The following SIPA1L3 variants were observed in gnomAD, a reference collection of about 807,000 sequenced individuals.
SIPA1L3 encodes the protein signal induced proliferation associated 1 like 3, also known as signal-induced proliferation-associated 1-like protein 3.
A neutral mutation model predicts 150.1 loss-of-function variants in SIPA1L3; 59 were observed. That is an observed-to-expected ratio of 0.39 (90% CI 0.32 to 0.49). SIPA1L3 has a LOEUF of 0.49. SIPA1L3 is among the 20% of genes least tolerant of loss of function. The pLI is 0.86. For missense variants in SIPA1L3, 2,211 were observed against 2,489.5 expected, an observed-to-expected ratio of 0.89 and a Z score of 2.38; for synonymous variants, 1,070 against 1,077.6, an observed-to-expected ratio of 0.99 and a Z score of 0.14.
intron 1 of SIPA1L3, among the ~76,000 whole-genome samples, chr19:37,958,979 C>A (rs960249710): frequency 6.6e-6 from 1 of 152,212 alleles, no homozygotes; most frequent in Non-Finnish European, 1.5e-5. Context: ...CCACAAGATT[C>A]TATTTCACAC....
At chr19:37,956,861 A>G (rs1009161564) in intron 1 of SIPA1L3, among the ~76,000 whole-genome samples, 26 of 152,254 alleles carry the variant, frequency 1.7e-4, no homozygotes, top group Middle Eastern at 3.4e-3. Flanking sequence ...TATTATATTT[A>G]AGAACTCTTT....
chr19:37,917,099 A>C (rs2046420354), intron 1 of SIPA1L3, among the ~76,000 whole-genome samples: 1 of 152,250 alleles, frequency 6.6e-6, no homozygotes, highest in South Asian at 2.1e-4. Flanking sequence ...TCATTTCAAC[A>C]TGTAATCAAT....
intron 3 of SIPA1L3, among the ~76,000 whole-genome samples, chr19:38,086,750 C>A (rs889380849): frequency 6.6e-6 from 1 of 152,168 alleles, no homozygotes; most frequent in African/African-American, 2.4e-5. Context: ...ACCATCACAG[C>A]AGGCATAGGG....
chr19:37,970,599 A>C (rs1204485942), intron 1 of SIPA1L3, among the ~76,000 whole-genome samples: 2 of 152,188 alleles, frequency 1.3e-5, no homozygotes, highest in East Asian at 3.8e-4. Context: ...TTCTGTGCAG[A>C]GGGAAGAGGT....
intron 1 of SIPA1L3, among the ~76,000 whole-genome samples, chr19:37,920,190 T>C (rs551848455): frequency 6.6e-6 from 1 of 152,098 alleles, no homozygotes; most frequent in South Asian, 2.1e-4. Flanking sequence ...TTCTGAATAG[T>C]TGGGACTACA....
chr19:37,913,908 G>C (rs1242744833), intron 1 of SIPA1L3, among the ~76,000 whole-genome samples: 1 of 151,374 alleles, frequency 6.6e-6, no homozygotes, highest in African/African-American at 2.4e-5. Context: ...CCAGTTACTC[G>C]GGAGGCTGAG....
chr19:38,191,300 C>T (rs1490228352), intron 16 of SIPA1L3, among the ~76,000 whole-genome samples: 1 of 151,112 alleles, frequency 6.6e-6, no homozygotes, highest in African/African-American at 2.4e-5. Context: ...CTTGGGAGGC[C>T]AGGGTAGGAG....
At chr19:38,017,578 G>T (rs758460678) in intron 1 of SIPA1L3, among the ~76,000 whole-genome samples, 1 of 148,976 alleles carries the variant, frequency 6.7e-6, no homozygotes, top group Non-Finnish European at 1.5e-5. Flanking sequence ...AGGCTGGAAT[G>T]TGGTGGTGTC....
At chr19:38,089,353 A>G (rs899981377) in intron 4 of SIPA1L3, among the ~76,000 whole-genome samples, 3 of 152,016 alleles carry the variant, frequency 2.0e-5, no homozygotes, top group African/African-American at 4.8e-5. Context: ...AAAAAGAAAA[A>G]AAAAATTAAA....
chr19:37,938,893 G>A (rs1185585472), intron 1 of SIPA1L3, among the ~76,000 whole-genome samples: 1 of 152,092 alleles, frequency 6.6e-6, no homozygotes, highest in Non-Finnish European at 1.5e-5. Flanking sequence ...AAAGTTCTGG[G>A]ATTACAGGCG....
chr19:38,044,610 C>T (rs1028136545), intron 2 of SIPA1L3, among the ~76,000 whole-genome samples: 7 of 152,146 alleles, frequency 4.6e-5, no homozygotes, highest in Admixed American at 1.3e-4. Flanking sequence ...TGTGACTACA[C>T]GTGTTGTTTG....
At chr19:38,170,150 AAG>A (rs751182806) in intron 15 of SIPA1L3, among the ~76,000 whole-genome samples, 339 of 152,206 alleles carry the variant, frequency 2.2e-3, no homozygotes, top group Non-Finnish European at 3.7e-3. Flanking sequence ...TTCCTGGAGA[AAG>A]AGTCTGAGCT....
At chr19:38,185,347 C>A (rs1199366846) in intron 16 of SIPA1L3, 1 of 152,162 alleles carries the variant, frequency 6.6e-6, no homozygotes, top group African/African-American at 2.4e-5. Flanking sequence ...TACTATAAGG[C>A]CCCCACTTTT....
chr19:37,916,066 G>C (rs908236654), intron 1 of SIPA1L3, among the ~76,000 whole-genome samples: 1 of 151,722 alleles, frequency 6.6e-6, no homozygotes, highest in Non-Finnish European at 1.5e-5. Flanking sequence ...TCACTCTGTT[G>C]CCCAGGCTGG....
At chr19:37,927,668 T>A (rs2046517189) in intron 1 of SIPA1L3, among the ~76,000 whole-genome samples, 2 of 149,500 alleles carry the variant, frequency 1.3e-5, no homozygotes, top group South Asian at 4.2e-4. Context: ...TGTGTGTGTG[T>A]GTGTGTGTGT....
At chr19:38,076,902 T>C (rs540525588) in intron 2 of SIPA1L3, among the ~76,000 whole-genome samples, 1 of 152,316 alleles carries the variant, frequency 6.6e-6, no homozygotes, top group East Asian at 1.9e-4. Flanking sequence ...GTGTTGCAAA[T>C]GCAGCTTCTA....
chr19:38,128,046 CTTTTTTTTTTTTTT>C (rs34053188), intron 9 of SIPA1L3, among the ~76,000 whole-genome samples: 29 of 66,578 alleles, frequency 4.4e-4, no homozygotes, highest in South Asian at 1.4e-3. Context: ...CCTTGGGCCT[CTTTTTTTTTTTTTT>C]TTTTTTTTTT....
intron 2 of SIPA1L3, among the ~76,000 whole-genome samples, chr19:38,068,571 C>G (rs1271415582): frequency 6.6e-6 from 1 of 152,036 alleles, no homozygotes; most frequent in African/African-American, 2.4e-5. Flanking sequence ...GATGGAAGTC[C>G]CTACTTGGCA....
chr19:38,029,401 C>T (rs80097829), intron 2 of SIPA1L3, among the ~76,000 whole-genome samples: 6,468 of 152,182 alleles, frequency 0.043, 211 homozygotes, highest in East Asian at 0.1. Context: ...TATTTTGGTT[C>T]GTTGTGTGAG....
Sources: gnomAD v4.1 joint callset for allele counts (sites outside exome capture counted in the v4.1 genomes callset) on GRCh38, gnomAD v4.1.1 for gene constraint, MANE v1.5 for transcripts, NCBI Gene and HGNC (gene_info 2026-07-23, HGNC 2026-07-21) for gene names.